Variants in INTS6L observed in about 807,000 individuals in gnomAD.
INTS6L encodes integrator complex subunit 6-like.
In INTS6L, 18 loss-of-function variants were observed where a neutral mutation model predicts 64.7. The ratio of observed to expected loss-of-function variants is 0.28; its 90% confidence interval spans 0.19 to 0.41. The LOEUF is 0.41. Ranked by LOEUF, INTS6L falls within the 10% of genes least tolerant of loss-of-function variation. The pLI is 1.00. For synonymous variants in INTS6L, 227 were observed against 235.9 expected (o/e 0.96, Z 0.34); for missense variants, 533 against 661.0 (o/e 0.81, Z 2.12).
At chrX:135,522,758 G>A (rs1489132108) in intron 2 of INTS6L, among the ~76,000 whole-genome samples, 1 of 112,075 alleles carries the variant, frequency 8.9e-6, no homozygotes, top group Non-Finnish European at 1.9e-5. Flanking sequence ...TCGGTTAACT[G>A]TTTAATTAGT....
At position 135,552,038 on chromosome X, in the gene INTS6L, T is replaced by C; in HGVS notation, c.951T>C (p.Asp317=). Residue 317 remains aspartate, a synonymous_variant, in exon 8 of 18, where the codon GAT becomes GAC. Coordinates refer to ENST00000639893, the MANE Select transcript of INTS6L (RefSeq NM_001351601.3). ...SHPVVRFSCV[D]CEPMVIDKLP... is the part of the protein sequence containing the mutation. ...CTGTTGTGAGGTTCTCCTGTGTAGA[T>C]TGTGAGCCAATGGTAATAGACAAAC... The C allele has an allele frequency of 8.3e-7, 1 of 1,207,341 alleles. No homozygotes were observed. Among genetic ancestry groups the C allele is most frequent in the Non-Finnish European group, 1.1e-6 (1 of 893,913 alleles).
At chrX:135,573,567 C>T (rs1230432399) in intron 12 of INTS6L, among the ~76,000 whole-genome samples, 1 of 112,813 alleles carries the variant, frequency 8.9e-6, no homozygotes, top group Non-Finnish European at 1.9e-5. Context: ...CTGCTAACTG[C>T]ACTCCTTGCA....
intron 9 of INTS6L, among the ~76,000 whole-genome samples, chrX:135,565,157 G>A (rs1259190434): frequency 8.9e-6 from 1 of 111,851 alleles, no homozygotes. Flanking sequence ...TAAGCTCTAG[G>A]GTCCCATCTT....
In INTS6L at chrX:135,534,568, G is replaced by A. The variant is rs187038204; in HGVS notation, c.190-10855G>A. Among the ~76,000 whole-genome samples, 843 of 110,758 alleles carry A rather than the reference G, an allele frequency of 7.6e-3. 8 individuals are homozygous for A. Among genetic ancestry groups the A allele is most frequent in the African/African-American group, 0.026 (801 of 30,415 alleles). On this transcript the variant is annotated intron_variant, in intron 2 of 17. Coordinates refer to ENST00000639893, the MANE Select transcript of INTS6L (RefSeq NM_001351601.3). Reference sequence around the variant, plus strand: ...ATTCAGAGTTCTCAGGGAGAGAACCGATTTAATCAAATAAAATGGGCTTTG... The same window carrying A: ...ATTCAGAGTTCTCAGGGAGAGAACCAATTTAATCAAATAAAATGGGCTTTG...
At chrX:135,573,098 TTCCTTTA>T (rs2087133788) in intron 12 of INTS6L, 65 bp downstream of exon 12, 1 of 958,487 alleles carries the variant, frequency 1.0e-6, no homozygotes, top group East Asian at 3.1e-5. Context: ...GTCTTTCATA[TTCCTTTA>T]GTTTTGAAAT....
chrX:135,581,423 A>G lies in INTS6L; in HGVS notation c.2589-105A>G, dbSNP rs45628631. On this transcript the variant is annotated intron_variant, in intron 17 of 17. Coordinates refer to ENST00000639893, the MANE Select transcript of INTS6L (RefSeq NM_001351601.3). ...ATCTTTCCATGAGGACAATCTTTAT[A>G]TTCCTATGTAGATTGTAAGCTTCGA... 8.1e-3 allele frequency: 4,872 copies of G among 603,238 alleles called. 28 individuals are homozygous for G. Among genetic ancestry groups the G allele is most frequent in the Non-Finnish European group, 0.011 (4,071 of 387,176 alleles). 49.7% of individuals were successfully genotyped at this position (603,238 alleles called of 1,213,427 possible).
At chrX:135,544,312 T>C (rs1443554215) in intron 2 of INTS6L, among the ~76,000 whole-genome samples, 1 of 112,252 alleles carries the variant, frequency 8.9e-6, no homozygotes, top group Non-Finnish European at 1.9e-5. Context: ...TTCCCAGTCA[T>C]TCTACTAATC....
intron 2 of INTS6L, among the ~76,000 whole-genome samples, chrX:135,537,730 C>G (rs2086093409): frequency 1.8e-5 from 2 of 112,007 alleles, no homozygotes; most frequent in South Asian, 7.3e-4. Flanking sequence ...ACTAATCTAA[C>G]AAGACATATT....
intron 11 of INTS6L, 150 bp from the exon 12 acceptor site, chrX:135,572,665 A>G (rs1556528340): frequency 2.1e-6 from 1 of 476,327 alleles, no homozygotes; most frequent in African/African-American, 2.4e-5. Context: ...AGTGCAAAGA[A>G]GCACAGGAAA....
At chrX:135,542,828 T>A (rs2086258582) in intron 2 of INTS6L, among the ~76,000 whole-genome samples, 1 of 111,519 alleles carries the variant, frequency 9.0e-6, no homozygotes, top group African/African-American at 3.3e-5. Flanking sequence ...GGAAATAAGA[T>A]TGCTAAACGA....
Position 135,582,322 on chromosome X carries a change from A to T in INTS6L, c.*686A>T, listed in dbSNP as rs2087389559. The stretch of plus-strand genomic sequence containing the variant: ...GTGATGATAGAAAGTCTTCAGATGG[A>T]CTTATACATTCTGTGCTTTGGAAGC... On this transcript the variant is annotated 3_prime_UTR_variant, in exon 18 of 18. Transcript: ENST00000639893. 2 of 112,347 alleles carry T rather than the reference A, an allele frequency of 1.8e-5. No homozygotes were observed. Among genetic ancestry groups the T allele is most frequent in the African/African-American group, 6.5e-5 (2 of 30,830 alleles). The allele number at this position is 112,347 out of a possible 1,213,427, so 9.3% of individuals were successfully genotyped here.
intron 2 of INTS6L, among the ~76,000 whole-genome samples, chrX:135,523,402 C>CAAAA (rs782434658): frequency 1.1e-3 from 41 of 36,881 alleles, no homozygotes; most frequent in East Asian, 4.3e-3. Context: ...ACTCTGTCGT[C>CAAAA]AAAAAAAAAA....
At chrX:135,550,345 C>G (rs2086466977) in intron 7 of INTS6L, among the ~76,000 whole-genome samples, 1 of 111,003 alleles carries the variant, frequency 9.0e-6, no homozygotes, top group Non-Finnish European at 1.9e-5. Flanking sequence ...AAAATAATCT[C>G]TAAGCAAGGA....
chrX:135,535,248 G>A (rs1556508194), intron 2 of INTS6L, among the ~76,000 whole-genome samples: 1 of 111,745 alleles, frequency 8.9e-6, no homozygotes, highest in African/African-American at 3.3e-5. Context: ...CTTTATAATT[G>A]TAACAACCTC....
At chrX:135,563,658 G>T (rs1304492380) in intron 9 of INTS6L, among the ~76,000 whole-genome samples, 139 of 2,823 alleles carry the variant, frequency 0.049, 4 homozygotes, top group African/African-American at 0.091. Flanking sequence ...TATATATATA[G>T]CTATATATAT....
At chrX:135,555,328 A>G (rs1302074493) in intron 8 of INTS6L, among the ~76,000 whole-genome samples, 2 of 111,931 alleles carry the variant, frequency 1.8e-5, no homozygotes, top group South Asian at 3.7e-4. Context: ...AAAATGGATA[A>G]ATGGGTAGGG....
rs140196243 is a variant in INTS6L, at chrX:135,524,039, T to G, written c.189+2721T>G. On this transcript the variant is annotated intron_variant, in intron 2 of 17. Coordinates refer to ENST00000639893, the MANE Select transcript of INTS6L (RefSeq NM_001351601.3). Reference sequence around the variant, plus strand: ...ATGATCTTAATGATGTTCTTGTCATTTTGCTTTCTATACCTGAATTAATAA... The same window carrying G: ...ATGATCTTAATGATGTTCTTGTCATGTTGCTTTCTATACCTGAATTAATAA... Among the ~76,000 whole-genome samples, 27 of 112,106 alleles carry G rather than the reference T, an allele frequency of 2.4e-4. No individual in the cohort carries two copies. The East Asian group carries it at 7.2e-3, about 30-fold the overall frequency.
chrX:135,574,271 C>T (rs377497469), intron 13 of INTS6L, among the ~76,000 whole-genome samples: 1 of 110,197 alleles, frequency 9.1e-6, no homozygotes, highest in African/African-American at 3.3e-5. Flanking sequence ...ACGTACACTA[C>T]ACTTGCCATG....
At chrX:135,531,710 C>T (rs1198534008) in intron 2 of INTS6L, among the ~76,000 whole-genome samples, 4 of 111,821 alleles carry the variant, frequency 3.6e-5, no homozygotes, top group African/African-American at 9.8e-5. Flanking sequence ...TATCATATCA[C>T]CCTCCCCACC....
Sources: gnomAD v4.1 joint callset for allele counts (sites outside exome capture counted in the v4.1 genomes callset) on GRCh38, gnomAD v4.1.1 for gene constraint, MANE v1.5 for transcripts, NCBI Gene and HGNC (gene_info 2026-07-23, HGNC 2026-07-21) for gene names.